Variants in CCDC178 observed in about 807,000 individuals in gnomAD.
CCDC178 encodes coiled-coil domain-containing protein 178.
In CCDC178, 126 loss-of-function variants were observed where a neutral mutation model predicts 117.4. The ratio of observed to expected loss-of-function variants is 1.07; its 90% CI spans 0.93 to 1.24. The LOEUF (loss-of-function observed/expected upper bound fraction) is 1.24, where lower values mean the gene tolerates loss of function less well. Among genes scored for constraint, CCDC178 ranks in the 50% most tolerant of loss-of-function variants. CCDC178 has a pLI of 0.00. For missense variants in CCDC178, 1,030 were observed against 986.9 expected (o/e 1.04, Z -0.59); for synonymous variants, 283 against 313.4 (o/e 0.90, Z 1.02).
At chr18:33,434,859 A>G (rs1042020976) in intron 2 of CCDC178, among the ~76,000 whole-genome samples, 1 of 152,134 alleles carries the variant, frequency 6.6e-6, no homozygotes, top group Non-Finnish European at 1.5e-5. Flanking sequence ...GGAAGAGGGA[A>G]AAAATATTTA....
chr18:33,276,951 A>G (rs537694711), intron 12 of CCDC178, among the ~76,000 whole-genome samples: 1 of 152,266 alleles, frequency 6.6e-6, no homozygotes, highest in South Asian at 2.1e-4. Flanking sequence ...TGAAACTGAC[A>G]ATACTTTACA....
intron 5 of CCDC178, among the ~76,000 whole-genome samples, chr18:33,375,319 A>G (rs570084264): frequency 9.9e-5 from 15 of 152,232 alleles, no homozygotes; most frequent in African/African-American, 3.6e-4. Context: ...ATTTGATAAG[A>G]AATAATCTTT....
In CCDC178 at chr18:33,238,216, T is replaced by C. The variant is rs116658930; in HGVS notation, c.1593+7029A>G. Among the ~76,000 whole-genome samples the C allele has an allele frequency of 4.9e-3, 747 of 152,046 alleles. 6 individuals are homozygous for C. The highest frequency in any genetic ancestry group is 0.017 in the African/African-American group (716 of 41,450). On this transcript the variant is annotated intron_variant, in intron 15 of 22. Coordinates refer to ENST00000383096, the MANE Select transcript of CCDC178 (RefSeq NM_001105528.4). The stretch of plus-strand genomic sequence containing the variant: ...CCAACTGTCCCACCAGATGCACAGA[T>C]ACCAACATAAGGAAACAATAAACAT...
At chr18:33,010,134 T>C (rs1231748694) in intron 21 of CCDC178, among the ~76,000 whole-genome samples, 1 of 152,188 alleles carries the variant, frequency 6.6e-6, no homozygotes. Flanking sequence ...AAAGCTATAG[T>C]ATACATTCAA....
chr18:33,378,080 C>A (rs917700505), intron 5 of CCDC178, among the ~76,000 whole-genome samples: 1 of 152,148 alleles, frequency 6.6e-6, no homozygotes, highest in East Asian at 1.9e-4. Context: ...TCCATGAGCA[C>A]GGAATATTTT....
At chr18:33,049,211 T>G (rs1269317471) in intron 21 of CCDC178, among the ~76,000 whole-genome samples, 3 of 152,034 alleles carry the variant, frequency 2.0e-5, no homozygotes, top group Non-Finnish European at 4.4e-5. Flanking sequence ...CATTTAGTGG[T>G]TTTTTAATTT....
At position 33,263,597 on chromosome 18, in the gene CCDC178, G is replaced by C. The variant is rs185122184; in HGVS notation, c.1409+3319C>G. Among the ~76,000 whole-genome samples, 4 of 152,234 alleles carry C rather than the reference G, an allele frequency of 2.6e-5. No homozygotes were observed. In the East Asian group the frequency reaches 7.7e-4, roughly 29 times the overall value. On this transcript the variant is annotated intron_variant, in intron 14 of 22. Transcript: ENST00000383096. Reference sequence around the variant, plus strand: ...ATTAATAGCTATATTTCTATGAATTGAAACAATGTTAGGGTCTCAATCTCC... The same window carrying C: ...ATTAATAGCTATATTTCTATGAATTCAAACAATGTTAGGGTCTCAATCTCC...
At chr18:33,219,894 A>G (rs1568065561) in intron 18 of CCDC178, among the ~76,000 whole-genome samples, 1 of 152,090 alleles carries the variant, frequency 6.6e-6, no homozygotes, top group Non-Finnish European at 1.5e-5. Flanking sequence ...CACATTGTGC[A>G]CATGTACCCT....
chr18:33,326,179 T>C (rs924685355), intron 10 of CCDC178, among the ~76,000 whole-genome samples: 1 of 152,172 alleles, frequency 6.6e-6, no homozygotes, highest in African/African-American at 2.4e-5. Context: ...GGACAGCTTA[T>C]GGGTGGCAAC....
At chr18:33,423,591 G>A (rs567702044) in intron 2 of CCDC178, among the ~76,000 whole-genome samples, 66 of 152,158 alleles carry the variant, frequency 4.3e-4, no homozygotes, top group Non-Finnish European at 7.2e-4. Flanking sequence ...TATAGCACTA[G>A]AGTATCTCTA....
At chr18:32,968,965 G>C (rs1326848477) in intron 22 of CCDC178, among the ~76,000 whole-genome samples, 1 of 151,940 alleles carries the variant, frequency 6.6e-6, no homozygotes, top group African/African-American at 2.4e-5. Context: ...ATGTGTGTGT[G>C]TGTTAAATGA....
At chr18:33,240,020 A>G (rs890272612) in intron 15 of CCDC178, among the ~76,000 whole-genome samples, 1 of 152,032 alleles carries the variant, frequency 6.6e-6, no homozygotes, top group Non-Finnish European at 1.5e-5. Context: ...TAAAATTAAA[A>G]TTAAAATTAT....
intron 6 of CCDC178, among the ~76,000 whole-genome samples, chr18:33,365,115 C>A (rs1032596156): frequency 9.9e-5 from 15 of 151,888 alleles, no homozygotes; most frequent in Non-Finnish European, 2.2e-4. Flanking sequence ...AAAATAGGAA[C>A]CACAGAATAG....
chr18:33,223,758 T>C (rs2059267843), intron 17 of CCDC178, among the ~76,000 whole-genome samples: 1 of 152,216 alleles, frequency 6.6e-6, no homozygotes, highest in East Asian at 1.9e-4. Context: ...CTTAGGCTTT[T>C]GATGCAATTA....
chr18:33,047,005 T>C (rs1044876202), intron 21 of CCDC178, among the ~76,000 whole-genome samples: 6 of 152,190 alleles, frequency 3.9e-5, no homozygotes, highest in African/African-American at 1.4e-4. Flanking sequence ...AAACATTGTA[T>C]TAGAAATGGA....
intron 22 of CCDC178, among the ~76,000 whole-genome samples, chr18:32,962,197 C>A (rs1012357423): frequency 6.6e-6 from 1 of 152,004 alleles, no homozygotes; most frequent in Non-Finnish European, 1.5e-5. Context: ...ATCTTTTATG[C>A]TATTACTCGA....
chr18:33,082,139 CTT>C (rs1442550565), intron 21 of CCDC178, among the ~76,000 whole-genome samples: 3 of 152,112 alleles, frequency 2.0e-5, no homozygotes, highest in African/African-American at 4.8e-5. Flanking sequence ...CAATTAATTT[CTT>C]TTAATAGAAT....
chr18:32,981,884 T>C (rs2055160774), intron 21 of CCDC178, among the ~76,000 whole-genome samples: 1 of 152,214 alleles, frequency 6.6e-6, no homozygotes, highest in East Asian at 1.9e-4. Flanking sequence ...TCATAACTTA[T>C]TTCATATGAA....
chr18:33,087,724 A>G (rs940783760), intron 21 of CCDC178, among the ~76,000 whole-genome samples: 2 of 152,162 alleles, frequency 1.3e-5, no homozygotes, highest in African/African-American at 4.8e-5. Context: ...GTGAATTTCT[A>G]TCTACATTAA....
Sources: gnomAD v4.1 joint callset for allele counts (sites outside exome capture counted in the v4.1 genomes callset) on GRCh38, gnomAD v4.1.1 for gene constraint, MANE v1.5 for transcripts, NCBI Gene and HGNC (gene_info 2026-07-23, HGNC 2026-07-21) for gene names.